PCDH15: variants seen among roughly 807,000 people sequenced by gnomAD.
The protein encoded by PCDH15 is protocadherin related 15.
PCDH15 carries 129 observed loss-of-function variants against 178.5 expected under a neutral mutation model. The observed-to-expected ratio is 0.72, with a 90% CI of 0.63 to 0.84. PCDH15 has a LOEUF of 0.84. Among genes scored for constraint, PCDH15 ranks in the 40% least tolerant of loss-of-function variants. The probability of loss-of-function intolerance (pLI) is 0.00; values close to 1 mark genes in which losing one functional copy is unlikely to be tolerated. For synonymous variants in PCDH15, 800 were observed against 732.0 expected, an observed-to-expected ratio of 1.09 and a Z score of -1.50; for missense variants, 2,230 against 2,099.9, an observed-to-expected ratio of 1.06 and a Z score of -1.21.
rs184741799 is a variant in PCDH15 at position 55,152,635 on chromosome 10, G to A, written c.-80+13941C>T. On this transcript the variant is annotated intron_variant, in intron 2 of 5. Transcript: ENST00000458638. ...ATCTGAAAGCTAGAAGGATCTTCAGGGGATTATTGGACATGATTCTAATGA... is the reference window on the plus strand; with the variant it reads ...ATCTGAAAGCTAGAAGGATCTTCAGAGGATTATTGGACATGATTCTAATGA... Among the ~76,000 whole-genome samples, 1,315 of 152,170 alleles carry A rather than the reference G, an allele frequency of 8.6e-3. 7 individuals are homozygous for A. The highest frequency in any genetic ancestry group is 0.014 in the Non-Finnish European group (982 of 67,992).
At chr10:54,664,141 G>T (rs368496748) in intron 2 of PCDH15, 31 bp downstream of exon 2, 23 of 1,509,296 alleles carry the variant, frequency 1.5e-5, no homozygotes, top group Admixed American at 1.5e-4. Flanking sequence ...ATCCTGGCTC[G>T]CTCTAAAGGT....
chr10:53,827,946 G>GTTAT (rs2076791598), intron 31 of PCDH15, among the ~76,000 whole-genome samples: 1 of 151,998 alleles, frequency 6.6e-6, no homozygotes, highest in South Asian at 2.1e-4. Flanking sequence ...GTCTTTTAAA[G>GTTAT]TTATTTGAAA....
At chr10:54,853,318 T>TATATATATATATATATATAC (rs1194965974) in intron 3 of PCDH15, among the ~76,000 whole-genome samples, 1 of 102,050 alleles carries the variant, frequency 9.8e-6, no homozygotes, top group Non-Finnish European at 1.8e-5. Context: ...TATATATATA[T>TATATATATATATATATATAC]ACATACACAC....
intron 2 of PCDH15, among the ~76,000 whole-genome samples, chr10:55,442,480 ATT>A (rs1565144481): frequency 7.8e-6 from 1 of 127,808 alleles, no homozygotes; most frequent in African/African-American, 2.9e-5. Context: ...TTATATATAT[ATT>A]ATATATATAT....
intron 1 of PCDH15, among the ~76,000 whole-genome samples, chr10:55,216,764 G>T (rs1050232438): frequency 6.6e-6 from 1 of 151,806 alleles, no homozygotes; most frequent in Non-Finnish European, 1.5e-5. Context: ...TAAGCCTGTT[G>T]TTTTTCCTAT....
intron 2 of PCDH15, among the ~76,000 whole-genome samples, chr10:54,560,073 A>C (rs1301508416): frequency 2.6e-5 from 4 of 151,926 alleles, no homozygotes; most frequent in Admixed American, 2.6e-4. Context: ...TGAGCTGGAC[A>C]TTGGTTGCCT....
intron 5 of PCDH15, among the ~76,000 whole-genome samples, chr10:54,351,480 T>C (rs1565048208): frequency 1.3e-5 from 2 of 152,134 alleles, no homozygotes; most frequent in East Asian, 1.9e-4. Flanking sequence ...TAGAAACTGG[T>C]TCATCAGTAG....
At chr10:54,291,728 G>T (rs2059422090) in intron 8 of PCDH15, among the ~76,000 whole-genome samples, 1 of 152,130 alleles carries the variant, frequency 6.6e-6, no homozygotes. Context: ...TAGAAGAAAT[G>T]TATAAATTCC....
At chr10:55,052,359 A>G (rs763230308) in intron 2 of PCDH15, among the ~76,000 whole-genome samples, 38 of 150,154 alleles carry the variant, frequency 2.5e-4, no homozygotes, top group Non-Finnish European at 4.1e-4. Context: ...AAGTGCTGGT[A>G]TTACAGGCGT....
In PCDH15 at chr10:54,995,274, G is replaced by T. The variant is rs563486820; in HGVS notation, c.-79-97774C>A. Among the ~76,000 whole-genome samples the T allele has an allele frequency of 3.9e-5, 6 of 151,958 alleles. No individual in the cohort carries two copies. In the East Asian group the frequency reaches 7.8e-4, roughly 20 times the overall value. On this transcript the variant is annotated intron_variant, in intron 2 of 5. Transcript: ENST00000458638. The stretch of plus-strand genomic sequence containing the variant: ...GCCTGTAGTCCCAACTACTCGGGAG[G>T]CTGAGGCAGGAGAATGGCGTGAACC...
At chr10:54,060,039 A>G (rs2135731799) in intron 18 of PCDH15, among the ~76,000 whole-genome samples, 1 of 152,312 alleles carries the variant, frequency 6.6e-6, no homozygotes, top group South Asian at 2.1e-4. Flanking sequence ...CAGGATCGCA[A>G]CCATGAGCTC....
intron 2 of PCDH15, among the ~76,000 whole-genome samples, chr10:55,405,745 G>A (rs535083145): frequency 7.9e-5 from 12 of 151,888 alleles, no homozygotes; most frequent in East Asian, 3.9e-4. Context: ...CACACTACTC[G>A]AAAACCTCTG....
intron 8 of PCDH15, among the ~76,000 whole-genome samples, chr10:54,298,502 G>A (rs1372583689): frequency 1.3e-5 from 2 of 152,186 alleles, no homozygotes; most frequent in Non-Finnish European, 2.9e-5. Context: ...CTTGTTACCA[G>A]TGTGGCTTGC....
At position 54,036,330 on chromosome 10, in the gene PCDH15, T is replaced by C. The variant is rs549680064; in HGVS notation, c.2221-13133A>G. Among the ~76,000 whole-genome samples the C allele has an allele frequency of 2.4e-4, 36 of 152,074 alleles. No individual in the cohort carries two copies. The East Asian group carries it at 6.6e-3, about 28-fold the overall frequency. On this transcript the variant is annotated intron_variant, in intron 18 of 37. Transcript: ENST00000644397. ...TAAAACAGAGAGGTCAATGCCTAGA[T>C]TCAAGGTTTCAAAGGATGGGCTGAC...
intron 8 of PCDH15, among the ~76,000 whole-genome samples, chr10:54,311,418 G>T (rs960560650): frequency 1.3e-5 from 2 of 151,876 alleles, no homozygotes; most frequent in Admixed American, 6.6e-5. Flanking sequence ...TTTTATCTGT[G>T]CTTCATTAGA....
At chr10:54,858,704 A>T (rs1953784481) in intron 3 of PCDH15, among the ~76,000 whole-genome samples, 1 of 151,984 alleles carries the variant, frequency 6.6e-6, no homozygotes, top group African/African-American at 2.4e-5. Context: ...AAGTAATAAT[A>T]ATTTTATCCT....
chr10:55,612,162 A>G (rs1221999113), intron 2 of PCDH15, among the ~76,000 whole-genome samples: 1 of 152,086 alleles, frequency 6.6e-6, no homozygotes, highest in African/African-American at 2.4e-5. Context: ...AAATTGCTAA[A>G]AGAGTATATT....
intron 1 of PCDH15, among the ~76,000 whole-genome samples, chr10:55,210,784 A>C (rs1161820876): frequency 6.0e-5 from 9 of 149,604 alleles, no homozygotes; most frequent in Non-Finnish European, 1.3e-4. Flanking sequence ...GCGCACCACC[A>C]CGCCCAGCTA....
chr10:54,119,876 A>C (rs2095184513), intron 15 of PCDH15, among the ~76,000 whole-genome samples: 1 of 150,656 alleles, frequency 6.6e-6, no homozygotes, highest in African/African-American at 2.5e-5. Flanking sequence ...GCACTCATCC[A>C]CCCGCGATCT....
Sources: gnomAD v4.1 joint callset for allele counts (sites outside exome capture counted in the v4.1 genomes callset) on GRCh38, gnomAD v4.1.1 for gene constraint, MANE v1.5 for transcripts, NCBI Gene and HGNC (gene_info 2026-07-23, HGNC 2026-07-21) for gene names.